Variants in ASPH observed in about 807,000 individuals in gnomAD.
ASPH encodes the protein aspartyl/asparaginyl beta-hydroxylase.
In ASPH, 100 loss-of-function variants were observed where a neutral mutation model predicts 118.4. The observed-to-expected ratio is 0.84, with a 90% CI of 0.72 to 1.00. The LOEUF is 1.00. Ranked by LOEUF, ASPH falls within the 50% of genes least tolerant of loss-of-function variation. The pLI is 0.00. For synonymous variants in ASPH, 315 were observed against 325.6 expected, an observed-to-expected ratio of 0.97 and a Z score of 0.35; for missense variants, 920 against 919.5, an observed-to-expected ratio of 1.00 and a Z score of -0.01.
intron 15 of ASPH, chr8:61,579,045 G>C (rs1836426471): frequency 6.2e-7 from 1 of 1,610,658 alleles, no homozygotes; most frequent in Non-Finnish European, 8.5e-7. Context: ...CCAAAGACGG[G>C]CTGAGGCTGA....
intron 24 of ASPH, among the ~76,000 whole-genome samples, chr8:61,509,282 T>C (rs1807881165): frequency 6.6e-6 from 1 of 152,206 alleles, no homozygotes; most frequent in African/African-American, 2.4e-5. Context: ...TGTAAAGGAA[T>C]AAAAGAATGG....
intron 24 of ASPH, among the ~76,000 whole-genome samples, chr8:61,503,765 T>C (rs909738929): frequency 1.3e-5 from 2 of 152,258 alleles, no homozygotes; most frequent in African/African-American, 4.8e-5. Context: ...TGAAGACATA[T>C]TGGTCTCATT....
intron 13 of ASPH, among the ~76,000 whole-genome samples, chr8:61,621,544 CAA>C (rs1850935078): frequency 6.6e-6 from 1 of 152,122 alleles, no homozygotes; most frequent in Admixed American, 6.6e-5. Context: ...CTCACTGTGC[CAA>C]AGAGGAAAAT....
At chr8:61,677,135 C>G (rs149464621) in intron 3 of ASPH, among the ~76,000 whole-genome samples, 1 of 152,150 alleles carries the variant, frequency 6.6e-6, no homozygotes, top group African/African-American at 2.4e-5. Flanking sequence ...CCAAATTCCT[C>G]TCCCCATGGG....
chr8:61,705,556 G>A (rs1420423893), intron 1 of ASPH, among the ~76,000 whole-genome samples: 2 of 152,204 alleles, frequency 1.3e-5, no homozygotes, highest in Admixed American at 6.5e-5. Context: ...AGAAGTTCTA[G>A]AATAGAAAAC....
At chr8:61,683,324 T>C (rs1307241550) in intron 2 of ASPH, among the ~76,000 whole-genome samples, 2 of 152,124 alleles carry the variant, frequency 1.3e-5, no homozygotes, top group African/African-American at 2.4e-5. Flanking sequence ...TTGAATTTTA[T>C]TTCAGTTTAA....
chr8:61,647,473 C>A (rs2151041328), intron 5 of ASPH, among the ~76,000 whole-genome samples: 1 of 152,146 alleles, frequency 6.6e-6, no homozygotes, highest in East Asian at 1.9e-4. Context: ...GAGTTCAAGA[C>A]CAGCCTGGCC....
intron 3 of ASPH, chr8:61,668,377 T>C: frequency 2.3e-6 from 2 of 853,606 alleles, no homozygotes. Flanking sequence ...CACTATAAAA[T>C]ATGTTAAGTT....
At chr8:61,667,254 C>G (rs901334119) in intron 3 of ASPH, among the ~76,000 whole-genome samples, 1 of 152,096 alleles carries the variant, frequency 6.6e-6, no homozygotes, top group African/African-American at 2.4e-5. Context: ...CATGCCTCTA[C>G]CCACAAAGAA....
chr8:61,527,518 A>G (rs911996486), intron 21 of ASPH, among the ~76,000 whole-genome samples: 7 of 152,174 alleles, frequency 4.6e-5, no homozygotes, highest in African/African-American at 1.7e-4. Context: ...CAAGAAAGAG[A>G]TTTTGGTTGA....
At chr8:61,680,903 A>G in intron 3 of ASPH, 65 bp downstream of exon 3, 1 of 1,384,176 alleles carries the variant, frequency 7.2e-7, no homozygotes, top group Non-Finnish European at 1.0e-6. Flanking sequence ...AGATATTATT[A>G]AAGCAAAAAT....
intron 13 of ASPH, chr8:61,626,221 C>A (rs564879073): frequency 1.3e-6 from 2 of 1,488,218 alleles, no homozygotes; most frequent in South Asian, 1.4e-5. Flanking sequence ...TCTTTTGGAG[C>A]GTATGGTTAG....
intron 1 of ASPH, among the ~76,000 whole-genome samples, chr8:61,712,943 T>TGAG (rs1838401406): frequency 2.0e-5 from 3 of 152,236 alleles, no homozygotes; most frequent in Admixed American, 2.0e-4. Context: ...AGAGGCACAA[T>TGAG]GAGAAGAACC....
chr8:61,713,416 T>C (rs1211977715), intron 1 of ASPH, among the ~76,000 whole-genome samples: 1 of 152,234 alleles, frequency 6.6e-6, no homozygotes. Context: ...GAATGCATGA[T>C]CTGAAGATCT....
At chr8:61,708,162 C>T (rs1044110395) in intron 1 of ASPH, among the ~76,000 whole-genome samples, 2 of 152,254 alleles carry the variant, frequency 1.3e-5, no homozygotes, top group East Asian at 1.9e-4. Context: ...TTACTCTCTA[C>T]AATTATTTAT....
rs985293411 is a variant in ASPH at position 61,501,832 on chromosome 8, A to C, written c.*1527T>G. ...GCAAAAAGGGTCAATTTCAATTTCA[A>C]AGAGCTGTTCTTTAAATGAGATAAA... On this transcript the variant is annotated 3_prime_UTR_variant, in exon 25 of 25. Transcript: ENST00000379454. 1 of 152,182 alleles carries C rather than the reference A, an allele frequency of 6.6e-6. No individual in the cohort carries two copies. The allele number at this position is 152,182 out of a possible 1,614,324, so 9.4% of individuals were successfully genotyped here. A position where few individuals can be genotyped will look rare whatever the true frequency, so the allele number is the denominator to read the frequency against.
At chr8:61,711,781 T>C (rs1051786089) in intron 1 of ASPH, among the ~76,000 whole-genome samples, 3 of 152,256 alleles carry the variant, frequency 2.0e-5, no homozygotes, top group Admixed American at 6.5e-5. Context: ...CGTCATTTTC[T>C]GACTCTCAAT....
rs371828974 is a variant in ASPH, at chr8:61,639,928, C to T, written c.791-1565G>A. Among the ~76,000 whole-genome samples, 142 of 152,254 alleles carry T rather than the reference C, an allele frequency of 9.3e-4. 3 individuals are homozygous for T. The South Asian group carries it at 0.028, about 30-fold the overall frequency. On this transcript the variant is annotated intron_variant, in intron 10 of 24. Coordinates refer to ENST00000379454, the MANE Select transcript of ASPH (RefSeq NM_004318.4). ...GCTCTTGGCACCTTGTTGTCTCCCC[C>T]CAGCTACACCCATGCATGAAGACCT...
intron 21 of ASPH, among the ~76,000 whole-genome samples, chr8:61,528,387 C>T (rs752862495): frequency 1.3e-5 from 2 of 152,230 alleles, no homozygotes; most frequent in African/African-American, 2.4e-5. Flanking sequence ...GATATTGTCA[C>T]TTGTTTAAGT....
Sources: gnomAD v4.1 joint callset for allele counts (sites outside exome capture counted in the v4.1 genomes callset) on GRCh38, gnomAD v4.1.1 for gene constraint, MANE v1.5 for transcripts, NCBI Gene and HGNC (gene_info 2026-07-23, HGNC 2026-07-21) for gene names.